The following TBC1D1 variants were observed in gnomAD, a reference collection of about 807,000 sequenced individuals.
TBC1D1 encodes TBC1 domain family member 1.
TBC1D1 carries 89 observed loss-of-function variants against 125.6 expected under a neutral mutation model. The ratio of observed to expected loss-of-function variants is 0.71; its 90% CI spans 0.60 to 0.85. TBC1D1 has a LOEUF of 0.85. Ranked by LOEUF, TBC1D1 falls within the 40% of genes least tolerant of loss-of-function variation. The pLI, the probability that TBC1D1 is intolerant of heterozygous loss-of-function variation, is 0.00. For synonymous variants in TBC1D1, 565 were observed against 564.1 expected, an observed-to-expected ratio of 1.00 and a Z score of -0.02; for missense variants, 1,377 against 1,469.2, an observed-to-expected ratio of 0.94 and a Z score of 1.03.
chr4:38,086,971 C>A (rs1757586796), intron 12 of TBC1D1, among the ~76,000 whole-genome samples: 1 of 152,106 alleles, frequency 6.6e-6, no homozygotes, highest in South Asian at 2.1e-4. Context: ...ATGGCTCTGA[C>A]CCTTACTAGC....
chr4:38,099,794 C>G (rs1759990010), intron 14 of TBC1D1, among the ~76,000 whole-genome samples: 1 of 152,132 alleles, frequency 6.6e-6, no homozygotes, highest in Middle Eastern at 3.2e-3. Flanking sequence ...CCAGGCCATT[C>G]TTAGCAAAAA....
At chr4:37,967,083 A>G (rs1270170626) in intron 2 of TBC1D1, among the ~76,000 whole-genome samples, 1 of 152,176 alleles carries the variant, frequency 6.6e-6, no homozygotes, top group African/African-American at 2.4e-5. Flanking sequence ...TTGCTGTGCA[A>G]TTCGAATCCA....
chr4:37,957,780 A>G (rs545183747), intron 2 of TBC1D1, among the ~76,000 whole-genome samples: 1 of 152,312 alleles, frequency 6.6e-6, no homozygotes, highest in Admixed American at 6.5e-5. Flanking sequence ...ACTTTTTAAA[A>G]GGTCAATTCT....
chr4:37,902,939 A>T (rs1236356600), intron 2 of TBC1D1, among the ~76,000 whole-genome samples: 2 of 152,224 alleles, frequency 1.3e-5, no homozygotes, highest in African/African-American at 4.8e-5. Flanking sequence ...AGAAATGCTG[A>T]TGCTGCCCTT....
chr4:37,924,222 A>G (rs1289041455), intron 2 of TBC1D1, among the ~76,000 whole-genome samples: 3 of 151,984 alleles, frequency 2.0e-5, no homozygotes, highest in Non-Finnish European at 4.4e-5. Flanking sequence ...TCCCTCCCCA[A>G]ACAATCTCAT....
intron 5 of TBC1D1, 130 bp downstream of exon 5, chr4:38,020,825 T>A: frequency 1.5e-6 from 1 of 675,486 alleles, no homozygotes; most frequent in Non-Finnish European, 2.5e-6. Context: ...GTTATTTACT[T>A]ATGACTATTT....
Position 38,053,087 on chromosome 4 carries a change from T to A in TBC1D1, c.1911-1112T>A. On this transcript the variant is annotated intron_variant, in intron 11 of 19. Transcript: ENST00000261439. ...TTATGTTTCTTTATCCTAAACTCTT[T>A]TTTCAACCAAACTCTTAGCATCTCC... 7.1e-7 allele frequency: 1 copy of A among 1,399,690 alleles called. No individual in the cohort carries two copies. Among genetic ancestry groups the A allele is most frequent in the South Asian group, 1.7e-5 (1 of 58,176 alleles). The allele number at this position is 1,399,690 out of a possible 1,614,324, so 86.7% of individuals were successfully genotyped here. A position where few individuals can be genotyped will look rare whatever the true frequency, so the allele number is the denominator to read the frequency against.
At chr4:37,994,596 A>G (rs1737355984) in intron 2 of TBC1D1, among the ~76,000 whole-genome samples, 1 of 151,912 alleles carries the variant, frequency 6.6e-6, no homozygotes, top group South Asian at 2.1e-4. Context: ...TTCCTGCGAC[A>G]GATTTCTACC....
chr4:37,944,899 G>A (rs898605881), intron 2 of TBC1D1, among the ~76,000 whole-genome samples: 5 of 152,206 alleles, frequency 3.3e-5, no homozygotes, highest in Non-Finnish European at 7.3e-5. Context: ...ATTTGGAAAT[G>A]CAGAAATCAC....
chr4:37,920,455 G>T (rs1357688797), intron 2 of TBC1D1, among the ~76,000 whole-genome samples: 1 of 152,196 alleles, frequency 6.6e-6, no homozygotes. Flanking sequence ...CAGAAAAGAG[G>T]AGGGAGAATG....
chr4:38,015,107 AATTCT>A (rs1742414804), intron 3 of TBC1D1, 134 bp downstream of exon 3: 1 of 777,550 alleles, frequency 1.3e-6, no homozygotes, highest in African/African-American at 1.8e-5. Flanking sequence ...CATGCTGAAC[AATTCT>A]ATTCTTAGGA....
At chr4:38,053,306 C>A in intron 11 of TBC1D1, 81 bp downstream of exon 13, 1 of 1,147,904 alleles carries the variant, frequency 8.7e-7, no homozygotes, top group Non-Finnish European at 1.1e-6. Flanking sequence ...GTTTTAATTA[C>A]TATTTTGCCA....
chr4:38,054,238 TGG>T lies in TBC1D1; in HGVS notation c.1952_1953del (p.Gly651AspfsTer32), dbSNP rs753868028. On this transcript the variant is annotated frameshift_variant, in exon 12 of 20. Transcript: ENST00000261439. LOFTEE classifies it high-confidence loss of function. Reference sequence around the variant, plus strand: ...AAGCAAACCATCTTGGTGATTCTGGTGGGACTCCTGTGAAGACCCGGAGGCAT... The same window carrying T: ...AAGCAAACCATCTTGGTGATTCTGGTGACTCCTGTGAAGACCCGGAGGCAT... The T allele has an allele frequency of 9.3e-6, 15 of 1,614,200 alleles. No homozygotes were observed. The African/African-American group carries it at 1.5e-4, about 16-fold the overall frequency.
intron 2 of TBC1D1, among the ~76,000 whole-genome samples, chr4:37,965,246 C>T (rs1384711354): frequency 6.6e-6 from 1 of 152,124 alleles, no homozygotes. Flanking sequence ...CTTCAGTTTC[C>T]CCATCCAAAA....
intron 2 of TBC1D1, among the ~76,000 whole-genome samples, chr4:37,912,384 G>T (rs1035557804): frequency 1.3e-5 from 2 of 152,210 alleles, no homozygotes; most frequent in Non-Finnish European, 2.9e-5. Flanking sequence ...TAGCAGGATG[G>T]GGAATGATGA....
chr4:38,125,083 C>T lies in TBC1D1; in HGVS notation c.3084C>T (p.Ser1028=), dbSNP rs1029782584. ...AAACCATAGTTGACTTTATAAAAAG[C>T]ACGCTACCCAACCTTGGCTTGGTAC... is the stretch of plus-strand genomic sequence containing the variant. Residue 1028 remains serine, a synonymous_variant, in exon 18 of 20, where the codon AGC becomes AGT. Transcript: ENST00000261439. 1 of 1,614,010 alleles carries T rather than the reference C, an allele frequency of 6.2e-7. No individual in the cohort carries two copies. The highest frequency in any genetic ancestry group is 8.5e-7 in the Non-Finnish European group (1 of 1,180,002).
chr4:37,944,909 C>T (rs957193606), intron 2 of TBC1D1, among the ~76,000 whole-genome samples: 1 of 152,226 alleles, frequency 6.6e-6, no homozygotes, highest in Non-Finnish European at 1.5e-5. Context: ...GCAGAAATCA[C>T]CCGTCTTCTG....
At chr4:38,099,922 A>G (rs914142876) in intron 14 of TBC1D1, among the ~76,000 whole-genome samples, 16 of 152,380 alleles carry the variant, frequency 1.1e-4, no homozygotes, top group African/African-American at 3.8e-4. Context: ...CTTTCAAAAA[A>G]TAAAGGTCTG....
At chr4:37,935,595 A>C (rs772538596) in intron 2 of TBC1D1, among the ~76,000 whole-genome samples, 1 of 152,188 alleles carries the variant, frequency 6.6e-6, no homozygotes, top group Non-Finnish European at 1.5e-5. Context: ...AGGCTCTTCA[A>C]TAACTTCCAT....
Sources: allele counts gnomAD v4.1 joint callset (sites outside exome capture counted in the v4.1 genomes callset), GRCh38; gene constraint gnomAD v4.1.1; transcripts MANE v1.5; gene names NCBI Gene and HGNC (gene_info 2026-07-23, HGNC 2026-07-21).